Variants in CYB5R4 observed in about 807,000 individuals in gnomAD.
CYB5R4 encodes N-terminal cytochrome b5 and cytochrome b5 oxidoreductase domain-containing protein.
Under a neutral mutation model 70.2 loss-of-function variants are expected in CYB5R4, and 55 were observed. The observed-to-expected ratio is 0.78, with a 90% confidence interval of 0.63 to 0.98. The LOEUF (loss-of-function observed/expected upper bound fraction) is 0.98, where lower values mean the gene tolerates loss of function less well. Among genes scored for constraint, CYB5R4 ranks in the 50% least tolerant of loss-of-function variants. The pLI is 0.00. For missense variants in CYB5R4, 562 were observed against 612.6 expected, an observed-to-expected ratio of 0.92 and a Z score of 0.87; for synonymous variants, 197 against 199.5, an observed-to-expected ratio of 0.99 and a Z score of 0.11.
chr6:83,896,525 T>A (rs775119248), intron 3 of CYB5R4, among the ~76,000 whole-genome samples: 7 of 152,252 alleles, frequency 4.6e-5, no homozygotes, highest in Admixed American at 2.0e-4. Context: ...AGTATTTGTC[T>A]TTCTGTGTCT....
At chr6:83,949,998 C>T (rs1008576340) in intron 14 of CYB5R4, among the ~76,000 whole-genome samples, 3 of 152,124 alleles carry the variant, frequency 2.0e-5, no homozygotes, top group Non-Finnish European at 4.4e-5. Flanking sequence ...TACCTGTACA[C>T]ATGGATCCAA....
At chr6:83,956,802 G>GT (rs943632029) in intron 15 of CYB5R4, among the ~76,000 whole-genome samples, 6 of 151,718 alleles carry the variant, frequency 4.0e-5, no homozygotes, top group African/African-American at 1.5e-4. Context: ...AGGTTGGAAA[G>GT]TAAGTCACGA....
intron 3 of CYB5R4, among the ~76,000 whole-genome samples, chr6:83,902,084 A>T (rs2099463068): frequency 6.6e-6 from 1 of 152,150 alleles, no homozygotes; most frequent in African/African-American, 2.4e-5. Flanking sequence ...TTAACCATAA[A>T]ATCTTTGCTT....
intron 12 of CYB5R4, among the ~76,000 whole-genome samples, chr6:83,938,794 T>A (rs753932350): frequency 6.6e-6 from 1 of 152,128 alleles, no homozygotes; most frequent in Non-Finnish European, 1.5e-5. Flanking sequence ...TCTAATCTTA[T>A]GGTCTTTTTC....
intron 4 of CYB5R4, chr6:83,910,206 GC>G: frequency 7.0e-7 from 1 of 1,435,886 alleles, no homozygotes; most frequent in Non-Finnish European, 9.5e-7. Context: ...TGGGCTGCCT[GC>G]CAGTTGGAAG....
At chr6:83,920,966 G>A (rs1399210947) in intron 7 of CYB5R4, 116 bp from the exon 8 acceptor site, 1 of 695,160 alleles carries the variant, frequency 1.4e-6, no homozygotes, top group East Asian at 3.8e-5. Context: ...GTTTAGCTTG[G>A]AGGTTCAATA....
intron 3 of CYB5R4, 136 bp from the exon 4 acceptor site, chr6:83,908,873 A>G (rs901809086): frequency 2.9e-5 from 19 of 646,642 alleles, no homozygotes; most frequent in Non-Finnish European, 5.3e-5. Context: ...ACCCTGGTAG[A>G]CTAATTGAAT....
chr6:83,893,679 A>G, intron 3 of CYB5R4, 57 bp downstream of exon 3: 1 of 1,000,136 alleles, frequency 1.0e-6, no homozygotes, highest in Non-Finnish European at 1.5e-6. Flanking sequence ...CAGATTTATC[A>G]GTGTGACATT....
At chr6:83,875,308 ACT>A (rs1418457643) in intron 2 of CYB5R4, among the ~76,000 whole-genome samples, 1 of 152,030 alleles carries the variant, frequency 6.6e-6, no homozygotes, top group Non-Finnish European at 1.5e-5. Flanking sequence ...ACTGAGTCTC[ACT>A]ATGCTGCCTA....
intron 10 of CYB5R4, among the ~76,000 whole-genome samples, chr6:83,933,721 GT>G (rs2129142055): frequency 6.6e-6 from 1 of 152,092 alleles, no homozygotes; most frequent in Non-Finnish European, 1.5e-5. Context: ...AATCCAAATG[GT>G]ATTATTTGCT....
At chr6:83,923,907 T>TAAAAAA (rs879334428) in intron 9 of CYB5R4, among the ~76,000 whole-genome samples, 1 of 138,540 alleles carries the variant, frequency 7.2e-6, no homozygotes, top group African/African-American at 2.6e-5. Context: ...CTACTAAAAA[T>TAAAAAA]AAAAAAAAAA....
At chr6:83,870,261 T>C (rs2099457386) in intron 2 of CYB5R4, among the ~76,000 whole-genome samples, 1 of 152,234 alleles carries the variant, frequency 6.6e-6, no homozygotes, top group Non-Finnish European at 1.5e-5. Flanking sequence ...CAAGGAGCAA[T>C]GGGTCAGTAT....
intron 15 of CYB5R4, among the ~76,000 whole-genome samples, chr6:83,958,093 TC>T (rs2099472705): frequency 6.6e-6 from 1 of 152,212 alleles, no homozygotes; most frequent in South Asian, 2.1e-4. Flanking sequence ...AGACATATTC[TC>T]CATATTTGGT....
intron 1 of CYB5R4, among the ~76,000 whole-genome samples, chr6:83,861,305 CT>C (rs2099455895): frequency 6.6e-6 from 1 of 152,226 alleles, no homozygotes; most frequent in African/African-American, 2.4e-5. Flanking sequence ...AGACTCCAGT[CT>C]TCTTCCTCTT....
chr6:83,896,389 A>G (rs1345757400), intron 3 of CYB5R4, among the ~76,000 whole-genome samples: 2 of 152,184 alleles, frequency 1.3e-5, no homozygotes, highest in Non-Finnish European at 2.9e-5. Context: ...GTCCTAAAAG[A>G]ATATATCAGG....
intron 10 of CYB5R4, among the ~76,000 whole-genome samples, chr6:83,930,713 A>G (rs2099468011): frequency 1.3e-5 from 2 of 152,194 alleles, no homozygotes; most frequent in South Asian, 2.1e-4. Context: ...CATAAATCTC[A>G]AATGTTCTTA....
chr6:83,948,070 T>G (rs1013563060), intron 14 of CYB5R4, among the ~76,000 whole-genome samples: 10 of 152,154 alleles, frequency 6.6e-5, no homozygotes, highest in African/African-American at 2.2e-4. Context: ...TACATGCACA[T>G]GTATGTTTAT....
At chr6:83,952,081 A>G (rs998130133) in intron 14 of CYB5R4, among the ~76,000 whole-genome samples, 1 of 152,114 alleles carries the variant, frequency 6.6e-6, no homozygotes, top group African/African-American at 2.4e-5. Context: ...TTATTTTTAC[A>G]CTAGAGTGGA....
At chr6:83,867,548 T>G (rs1332478407) in intron 2 of CYB5R4, among the ~76,000 whole-genome samples, 2 of 152,230 alleles carry the variant, frequency 1.3e-5, no homozygotes, top group Non-Finnish European at 2.9e-5. Context: ...AAAGCATTTA[T>G]CTTCTTACAG....
Sources: allele counts gnomAD v4.1 joint callset (sites outside exome capture counted in the v4.1 genomes callset), GRCh38; gene constraint gnomAD v4.1.1; transcripts MANE v1.5; gene names NCBI Gene and HGNC (gene_info 2026-07-23, HGNC 2026-07-21).